TAF8: variants seen among roughly 807,000 people sequenced by gnomAD.
The protein encoded by TAF8 is TATA-box binding protein associated factor 8.
Under a neutral mutation model 36.5 loss-of-function variants are expected in TAF8, and 47 were observed. The observed-to-expected ratio is 1.29, with a 90% CI of 1.02 to 1.64. TAF8 has a LOEUF of 1.64. TAF8 is among the 40% of genes most tolerant of loss of function. The pLI, the probability that TAF8 is intolerant of heterozygous loss-of-function variation, is 0.00. For synonymous variants in TAF8, 175 were observed against 159.5 expected (o/e 1.10, Z -0.73); for missense variants, 420 against 407.6 (o/e 1.03, Z -0.26).
intron 7 of TAF8, among the ~76,000 whole-genome samples, chr6:42,075,848 A>AT (rs1282035987): frequency 6.6e-6 from 1 of 152,236 alleles, no homozygotes; most frequent in Non-Finnish European, 1.5e-5. Flanking sequence ...CTTTTTAAGA[A>AT]TTTTGATCAT....
In TAF8 at chr6:42,078,846, G is replaced by A. The variant is rs373879374; in HGVS notation, c.*1301G>A. 7.4e-5 allele frequency: 73 copies of A among 985,534 alleles called. 1 individual carries two copies. In the South Asian group the frequency reaches 2.9e-3, roughly 39 times the overall value. 61.0% of individuals were successfully genotyped at this position (985,534 alleles called of 1,614,324 possible). On this transcript the variant is annotated 3_prime_UTR_variant, in exon 9 of 9. Transcript: ENST00000372977. The stretch of plus-strand genomic sequence containing the variant: ...TTAAACAGTAGGAAAGAGGGGCTAC[G>A]CGCAGTGGCTCACGCCTGTAATCCC...
At chr6:42,064,291 C>T (rs963231372) in intron 5 of TAF8, among the ~76,000 whole-genome samples, 2 of 151,062 alleles carry the variant, frequency 1.3e-5, no homozygotes, top group South Asian at 2.1e-4. Flanking sequence ...CTCGCTCAGT[C>T]CCCCAGGCTG....
Position 42,079,034 on chromosome 6 carries a change from A to C in TAF8, c.*1489A>C. The C allele has an allele frequency of 1.7e-6, 1 of 581,304 alleles. No individual in the cohort carries two copies. The highest frequency in any genetic ancestry group is 2.2e-6 in the Non-Finnish European group (1 of 460,840). The allele number at this position is 581,304 out of a possible 1,614,324, so 36.0% of individuals were successfully genotyped here. A position where few individuals can be genotyped will look rare whatever the true frequency, so the allele number is the denominator to read the frequency against. ...CTACTCGGGAGGCTGAGGCAGGAGA[A>C]TCACTTGAACCTGGGAGGCGGAGGT... On this transcript the variant is annotated 3_prime_UTR_variant, in exon 9 of 9. Transcript: ENST00000372977.
At chr6:42,070,284 C>T (rs1001652627) in intron 7 of TAF8, among the ~76,000 whole-genome samples, 9 of 151,870 alleles carry the variant, frequency 5.9e-5, no homozygotes, top group East Asian at 1.9e-4. Context: ...GTCAGGAGAT[C>T]GAGACCATCC....
chr6:42,067,882 A>AT (rs1378617069), intron 6 of TAF8, among the ~76,000 whole-genome samples: 2 of 152,142 alleles, frequency 1.3e-5, no homozygotes, highest in South Asian at 2.1e-4. Flanking sequence ...TTTTAATGTT[A>AT]TTTTTTATTC....
At chr6:42,064,956 C>CA (rs59214523) in intron 5 of TAF8, among the ~76,000 whole-genome samples, 7,541 of 73,574 alleles carry the variant, frequency 0.1, 503 homozygotes, top group African/African-American at 0.11. Context: ...GACTCTGTCT[C>CA]AAAAAAAAAA....
chr6:42,066,075 A>G (rs1409142453), intron 5 of TAF8, among the ~76,000 whole-genome samples: 1 of 151,930 alleles, frequency 6.6e-6, no homozygotes, highest in Non-Finnish European at 1.5e-5. Context: ...TAATTTTTGT[A>G]TTTTTGGTAG....
chr6:42,057,456 G>A lies in TAF8; in HGVS notation c.432G>A (p.Pro144=), dbSNP rs572766894. ...CAGGGCAGAACCGACCCCACCCGCC[G>A]CACATCCCCAGCCATTTTCCTGAGT... ...LTAGQNRPHP[P]HIPSHFPEFP... is the part of the protein sequence containing the mutation. The change falls in exon 5 of 9, where the codon CCG becomes CCA. Residue 144 remains proline (P), a synonymous_variant. Coordinates refer to ENST00000372977, the MANE Select transcript of TAF8 (RefSeq NM_138572.3). 14 of 1,613,980 alleles carry A rather than the reference G, an allele frequency of 8.7e-6. No individual in the cohort carries two copies. The South Asian group carries it at 9.9e-5, about 11-fold the overall frequency.
At chr6:42,060,027 G>T (rs1390713204) in intron 5 of TAF8, among the ~76,000 whole-genome samples, 1 of 152,166 alleles carries the variant, frequency 6.6e-6, no homozygotes, top group East Asian at 1.9e-4. Flanking sequence ...TGCAGGCCTG[G>T]CTAGGCGTTC....
chr6:42,055,723 A>G, intron 3 of TAF8, 94 bp downstream of exon 3: 2 of 1,042,718 alleles, frequency 1.9e-6, no homozygotes, highest in African/African-American at 1.6e-5. Flanking sequence ...GGTTTCCCTC[A>G]TGGTTCTCTT....
intron 5 of TAF8, among the ~76,000 whole-genome samples, chr6:42,059,786 A>C (rs996007121): frequency 6.6e-6 from 1 of 152,194 alleles, no homozygotes; most frequent in Non-Finnish European, 1.5e-5. Flanking sequence ...AGCAAGATGG[A>C]GTCAGTTAAG....
chr6:42,069,730 T>C (rs1290214281), intron 7 of TAF8, among the ~76,000 whole-genome samples: 2 of 152,090 alleles, frequency 1.3e-5, no homozygotes, highest in Non-Finnish European at 2.9e-5. Context: ...GATGCGTATT[T>C]GGGAGCCAGC....
rs1444173177 is a variant in TAF8 at position 42,081,228 on chromosome 6, G to A, written c.*3683G>A. ...GTGTGAGACAGAGTTTCGCGCTGGA[G>A]TGCAATGGTGCAATCTTGGCCCACT... On this transcript the variant is annotated 3_prime_UTR_variant, in exon 9 of 9. Transcript: ENST00000372977. The A allele has an allele frequency of 6.6e-6, 1 of 152,556 alleles. No homozygotes were observed. Among genetic ancestry groups the A allele is most frequent in the Non-Finnish European group, 1.5e-5 (1 of 68,552 alleles). The allele number at this position is 152,556 out of a possible 1,614,324, so 9.5% of individuals were successfully genotyped here. A position where few individuals can be genotyped will look rare whatever the true frequency, so the allele number is the denominator to read the frequency against.
chr6:42,051,710 CA>C, intron 2 of TAF8, 197 bp downstream of exon 2: 1 of 468,990 alleles, frequency 2.1e-6, no homozygotes. Flanking sequence ...CCTGTAATCC[CA>C]GTACTTTAGG....
chr6:42,079,485 G>C lies in TAF8; in HGVS notation c.*1940G>C. ...GTAACAACACGTGGAAGTGAACACT[G>C]GATGAATAAGCTTGTTTCCCAAATT... On this transcript the variant is annotated 3_prime_UTR_variant, in exon 9 of 9. Coordinates refer to ENST00000372977, the MANE Select transcript of TAF8 (RefSeq NM_138572.3). The C allele has an allele frequency of 1.0e-6, 1 of 985,386 alleles. No homozygotes were observed. Among genetic ancestry groups the C allele is most frequent in the Non-Finnish European group, 1.2e-6 (1 of 829,932 alleles). 61.0% of individuals were successfully genotyped at this position (985,386 alleles called of 1,614,324 possible).
chr6:42,077,695 A>G lies in TAF8; in HGVS notation c.*150A>G. ...CATGATTTTCATGGCAAACCGTCTT[A>G]TTAAGATGACCTATTTTCACTGGAT... On this transcript the variant is annotated 3_prime_UTR_variant, in exon 9 of 9. Transcript: ENST00000372977. 1.3e-6 allele frequency: 2 copies of G among 1,491,356 alleles called. No homozygotes were observed. Among genetic ancestry groups the G allele is most frequent in the African/African-American group, 2.8e-5 (2 of 70,800 alleles). The allele number at this position is 1,491,356 out of a possible 1,614,324, so 92.4% of individuals were successfully genotyped here.
Position 42,079,141 on chromosome 6 carries a change from A to G in TAF8, c.*1596A>G. On this transcript the variant is annotated 3_prime_UTR_variant, in exon 9 of 9. Coordinates refer to ENST00000372977, the MANE Select transcript of TAF8 (RefSeq NM_138572.3). Reference sequence around the variant, plus strand: ...CATTTCAAAAAAATAAAAAAAGGATAAAGTAAACAATAGGAAAGGATTTGG... The same window carrying G: ...CATTTCAAAAAAATAAAAAAAGGATGAAGTAAACAATAGGAAAGGATTTGG... The G allele has an allele frequency of 1.0e-6, 1 of 981,326 alleles. No individual in the cohort carries two copies. Among genetic ancestry groups the G allele is most frequent in the Non-Finnish European group, 1.2e-6 (1 of 826,232 alleles). 60.8% of individuals were successfully genotyped at this position (981,326 alleles called of 1,614,324 possible).
Position 42,068,528 on chromosome 6 carries a change from T to C in TAF8, c.701T>C (p.Met234Thr). 1 of 1,614,108 alleles carries C rather than the reference T, an allele frequency of 6.2e-7. No homozygotes were observed. The highest frequency in any genetic ancestry group is 8.5e-7 in the Non-Finnish European group (1 of 1,180,018). The change falls in exon 7 of 9, where the codon ATG becomes ACG. Residue 234 changes from methionine to threonine, a missense_variant. Coordinates refer to ENST00000372977, the MANE Select transcript of TAF8 (RefSeq NM_138572.3). The stretch of plus-strand genomic sequence containing the variant: ...GCTCTTCTTCCGTCTGAACTGGAGA[T>C]GCAACAAATGGAAGAGACAGATTCC... Reference protein sequence around the residue: ...LTALLPSELEMQQMEETDSSE... With the variant: ...LTALLPSELETQQMEETDSSE...
chr6:42,066,814 A>G (rs1214817503), intron 6 of TAF8, among the ~76,000 whole-genome samples: 2 of 152,152 alleles, frequency 1.3e-5, no homozygotes, highest in Admixed American at 6.6e-5. Context: ...CACCTCATTT[A>G]ACTTGGCATC....
Sources: allele counts gnomAD v4.1 joint callset (sites outside exome capture counted in the v4.1 genomes callset), GRCh38; gene constraint gnomAD v4.1.1; transcripts MANE v1.5; gene names NCBI Gene and HGNC (gene_info 2026-07-23, HGNC 2026-07-21).